The following OPCML variants were observed in gnomAD, a reference collection of about 807,000 sequenced individuals.
OPCML encodes opioid binding protein/cell adhesion molecule like, also known as opioid-binding protein/cell adhesion molecule.
Under a neutral mutation model 37.8 loss-of-function variants are expected in OPCML, and 13 were observed. That is an observed-to-expected ratio of 0.34 (90% CI 0.22 to 0.55). OPCML has a LOEUF of 0.55. Among genes scored for constraint, OPCML ranks in the 20% least tolerant of loss-of-function variants. The pLI is 0.91. For missense variants in OPCML, 341 were observed against 435.6 expected (o/e 0.78, Z 1.93); for synonymous variants, 176 against 168.8 (o/e 1.04, Z -0.33).
At chr11:133,166,608 T>A (rs1246093849) in intron 1 of OPCML, among the ~76,000 whole-genome samples, 1 of 152,210 alleles carries the variant, frequency 6.6e-6, no homozygotes, top group Non-Finnish European at 1.5e-5. Context: ...GAGAATTGTG[T>A]TTGAGTTGCC....
At chr11:132,719,937 G>A (rs1382128840) in intron 2 of OPCML, among the ~76,000 whole-genome samples, 1 of 152,134 alleles carries the variant, frequency 6.6e-6, no homozygotes, top group Non-Finnish European at 1.5e-5. Context: ...TCTCATGTGC[G>A]AAACCGTTTG....
intron 1 of OPCML, among the ~76,000 whole-genome samples, chr11:132,978,763 A>G (rs1354305021): frequency 6.6e-6 from 1 of 152,104 alleles, no homozygotes. Context: ...AATGACTCAA[A>G]TACATTTGCA....
intron 3 of OPCML, among the ~76,000 whole-genome samples, chr11:132,563,463 A>G (rs2096415105): frequency 6.6e-6 from 1 of 151,606 alleles, no homozygotes; most frequent in African/African-American, 2.4e-5. Context: ...CTCTTTGGGG[A>G]GAAGCTCATT....
intron 1 of OPCML, among the ~76,000 whole-genome samples, chr11:133,473,311 C>T (rs1763695397): frequency 6.6e-6 from 1 of 152,148 alleles, no homozygotes; most frequent in Non-Finnish European, 1.5e-5. Flanking sequence ...AAACAAAACA[C>T]ATTGTGTCTG....
chr11:132,764,518 G>T (rs1215357780), intron 2 of OPCML, among the ~76,000 whole-genome samples: 1 of 152,136 alleles, frequency 6.6e-6, no homozygotes, highest in Non-Finnish European at 1.5e-5. Flanking sequence ...CGGGGATCAG[G>T]TTCCCCACTC....
In OPCML at chr11:132,457,436, C is replaced by A. The variant is rs2512715; in HGVS notation, c.506-20077G>T. On this transcript the variant is annotated intron_variant, in intron 4 of 7. Coordinates refer to ENST00000524381, the MANE Select transcript of OPCML (RefSeq NM_001012393.5). Reference sequence around the variant, plus strand: ...AGAATTCATGATAAAGAGATTCATGCTTTAACAAATATTTATTGAGTGTCA... The same window carrying A: ...AGAATTCATGATAAAGAGATTCATGATTTAACAAATATTTATTGAGTGTCA... 1.4e-4 allele frequency among the ~76,000 whole-genome samples: 21 copies of A among 152,146 alleles called. No individual in the cohort carries two copies. In the South Asian group the frequency reaches 4.1e-3, roughly 30 times the overall value.
intron 1 of OPCML, among the ~76,000 whole-genome samples, chr11:133,141,517 G>GTC (rs977176717): frequency 2.4e-4 from 36 of 151,958 alleles, no homozygotes; most frequent in African/African-American, 4.1e-4. Flanking sequence ...TCTTCAGCCT[G>GTC]TCTCTCTCTC....
chr11:132,517,343 A>T lies in OPCML; in HGVS notation c.505+11718T>A, dbSNP rs543564448. 3.1e-4 allele frequency among the ~76,000 whole-genome samples: 47 copies of T among 152,306 alleles called. No homozygotes were observed. The South Asian group carries it at 9.1e-3, about 30-fold the overall frequency. On this transcript the variant is annotated intron_variant, in intron 4 of 7. Transcript: ENST00000524381. ...AAGGGTGGTAGGTGCACAGAGCTGGACCCAGAGGTCTTTCAAATGTACTAT... is the reference window on the plus strand; with the variant it reads ...AAGGGTGGTAGGTGCACAGAGCTGGTCCCAGAGGTCTTTCAAATGTACTAT...
chr11:132,873,182 A>G (rs1307356895), intron 2 of OPCML, among the ~76,000 whole-genome samples: 1 of 152,324 alleles, frequency 6.6e-6, no homozygotes, highest in East Asian at 1.9e-4. Flanking sequence ...AGATCTCCTC[A>G]GTCATTTTCC....
At chr11:133,530,930 C>A (rs1379474578) in intron 1 of OPCML, among the ~76,000 whole-genome samples, 4 of 152,126 alleles carry the variant, frequency 2.6e-5, no homozygotes, top group Non-Finnish European at 5.9e-5. Context: ...TCCCACAAAA[C>A]CCTACCAAGT....
intron 2 of OPCML, among the ~76,000 whole-genome samples, chr11:132,844,707 C>T (rs999596747): frequency 2.6e-5 from 4 of 152,026 alleles, no homozygotes; most frequent in Non-Finnish European, 5.9e-5. Flanking sequence ...AACCTGCCAT[C>T]GTAGCATGAA....
At chr11:132,552,854 C>T (rs1202813708) in intron 3 of OPCML, among the ~76,000 whole-genome samples, 1 of 145,916 alleles carries the variant, frequency 6.9e-6, no homozygotes. Flanking sequence ...GCAAGCTCCA[C>T]CTCCCAGTTC....
chr11:133,170,044 C>G (rs1950266944), intron 1 of OPCML, among the ~76,000 whole-genome samples: 1 of 152,138 alleles, frequency 6.6e-6, no homozygotes, highest in African/African-American at 2.4e-5. Flanking sequence ...ATTAAGCAAA[C>G]TTGTGATTCA....
chr11:132,604,949 T>C (rs997997029), intron 3 of OPCML, among the ~76,000 whole-genome samples: 8 of 152,296 alleles, frequency 5.3e-5, no homozygotes, highest in African/African-American at 1.9e-4. Flanking sequence ...AAGGACATTT[T>C]GAAGGTGGTG....
At chr11:133,069,562 G>C (rs1449560924) in intron 1 of OPCML, among the ~76,000 whole-genome samples, 1 of 152,192 alleles carries the variant, frequency 6.6e-6, no homozygotes, top group Non-Finnish European at 1.5e-5. Flanking sequence ...TATCAAACGT[G>C]TGTGTGCGAC....
At chr11:133,037,710 G>A (rs778054960) in intron 1 of OPCML, among the ~76,000 whole-genome samples, 13 of 152,310 alleles carry the variant, frequency 8.5e-5, no homozygotes, top group South Asian at 2.1e-4. Flanking sequence ...ACCCTCTTGC[G>A]TTGGCAAGGT....
At chr11:132,801,792 C>T (rs1037632260) in intron 2 of OPCML, among the ~76,000 whole-genome samples, 1 of 152,124 alleles carries the variant, frequency 6.6e-6, no homozygotes, top group African/African-American at 2.4e-5. Flanking sequence ...TTCAGGAAAT[C>T]TTTATTGAGT....
chr11:133,318,588 C>A (rs1367197055), intron 1 of OPCML, among the ~76,000 whole-genome samples: 3 of 152,146 alleles, frequency 2.0e-5, no homozygotes, highest in Non-Finnish European at 4.4e-5. Context: ...GACCTTTTTC[C>A]CTATTGTGAG....
chr11:133,432,622 T>C (rs34280483), intron 1 of OPCML, among the ~76,000 whole-genome samples: 18,634 of 152,252 alleles, frequency 0.12, 1,237 homozygotes, highest in East Asian at 0.14. Context: ...TGTCTTGCCA[T>C]GTCTTTTCCC....
Sources: gnomAD v4.1 joint callset for allele counts (sites outside exome capture counted in the v4.1 genomes callset) on GRCh38, gnomAD v4.1.1 for gene constraint, MANE v1.5 for transcripts, NCBI Gene and HGNC (gene_info 2026-07-23, HGNC 2026-07-21) for gene names.